Variants in USP32 observed in about 807,000 individuals in gnomAD.
USP32 encodes the protein ubiquitin carboxyl-terminal hydrolase 32.
Under a neutral mutation model 204.8 loss-of-function variants are expected in USP32, and 59 were observed. The observed-to-expected ratio is 0.29, with a 90% CI of 0.23 to 0.36. USP32 has a LOEUF of 0.36. Ranked by LOEUF, USP32 falls within the 10% of genes least tolerant of loss-of-function variation. The pLI is 1.00. For synonymous variants in USP32, 517 were observed against 678.4 expected, an observed-to-expected ratio of 0.76 and a Z score of 3.70; for missense variants, 1,160 against 1,946.4, an observed-to-expected ratio of 0.60 and a Z score of 7.60.
intron 13 of USP32, among the ~76,000 whole-genome samples, chr17:60,225,217 C>T (rs967363550): frequency 2.6e-5 from 4 of 152,140 alleles, no homozygotes; most frequent in African/African-American, 9.7e-5. Flanking sequence ...CTTTGAGAGG[C>T]TGAGGCCAGA....
intron 4 of USP32, among the ~76,000 whole-genome samples, chr17:60,289,978 C>T (rs1567830982): frequency 6.6e-6 from 1 of 152,040 alleles, no homozygotes; most frequent in Non-Finnish European, 1.5e-5. Flanking sequence ...GACTGCAATC[C>T]AAGCAATCAA....
intron 2 of USP32, among the ~76,000 whole-genome samples, chr17:60,327,154 G>A (rs78980193): frequency 0.01 from 1,529 of 152,300 alleles, 17 homozygotes; most frequent in Non-Finnish European, 0.017. Context: ...ACAAAGAAAT[G>A]ACAAATGTTT....
chr17:60,387,758 A>G (rs1048776913), intron 1 of USP32, among the ~76,000 whole-genome samples: 5 of 152,216 alleles, frequency 3.3e-5, no homozygotes, highest in Admixed American at 2.6e-4. Flanking sequence ...TTTACTGAAC[A>G]TAACTTAGCC....
chr17:60,300,209 C>T (rs1266472284), intron 3 of USP32, among the ~76,000 whole-genome samples: 1 of 152,184 alleles, frequency 6.6e-6, no homozygotes, highest in Non-Finnish European at 1.5e-5. Flanking sequence ...AGCTGCCATA[C>T]TTCCCCTGGG....
At chr17:60,229,964 C>T (rs910120077) in intron 12 of USP32, among the ~76,000 whole-genome samples, 1 of 152,128 alleles carries the variant, frequency 6.6e-6, no homozygotes, top group African/African-American at 2.4e-5. Context: ...CAGGCACGCA[C>T]CACTGCGCCT....
chr17:60,407,263 G>GT (rs1026438967), intron 1 of USP32, among the ~76,000 whole-genome samples: 1 of 152,158 alleles, frequency 6.6e-6, no homozygotes, highest in African/African-American at 2.4e-5. Flanking sequence ...AGGATCTTGA[G>GT]TTTTTTCTGA....
chr17:60,332,435 G>A (rs1312969667), intron 2 of USP32, among the ~76,000 whole-genome samples: 2 of 151,862 alleles, frequency 1.3e-5, no homozygotes, highest in African/African-American at 4.8e-5. Flanking sequence ...ATCACCTGAG[G>A]TCAGGAGTTT....
chr17:60,195,684 C>T (rs1464447868), intron 27 of USP32, among the ~76,000 whole-genome samples: 2 of 152,176 alleles, frequency 1.3e-5, no homozygotes, highest in African/African-American at 4.8e-5. Context: ...CTCTAAATGT[C>T]GGAATGCGTA....
intron 2 of USP32, among the ~76,000 whole-genome samples, chr17:60,340,279 C>A (rs1271717756): frequency 6.6e-6 from 1 of 152,164 alleles, no homozygotes. Context: ...ATTCAAGCTT[C>A]AAAATTACCA....
intron 2 of USP32, among the ~76,000 whole-genome samples, chr17:60,314,759 TAAAC>T (rs2087933551): frequency 6.6e-6 from 1 of 151,916 alleles, no homozygotes. Flanking sequence ...ATATGTAAGA[TAAAC>T]AAAACCAAAC....
At chr17:60,329,977 A>C (rs1009616554) in intron 2 of USP32, among the ~76,000 whole-genome samples, 1 of 152,240 alleles carries the variant, frequency 6.6e-6, no homozygotes, top group African/African-American at 2.4e-5. Context: ...TGCCCTTGCA[A>C]TTAGCTTCAC....
chr17:60,315,050 T>C (rs911018771), intron 2 of USP32, among the ~76,000 whole-genome samples: 1 of 152,164 alleles, frequency 6.6e-6, no homozygotes, highest in Admixed American at 6.5e-5. Context: ...ATTAGGGAAA[T>C]GCAAATCAAA....
intron 1 of USP32, among the ~76,000 whole-genome samples, chr17:60,412,913 C>A (rs968240139): frequency 2.6e-5 from 4 of 152,140 alleles, no homozygotes; most frequent in Non-Finnish European, 4.4e-5. Context: ...GACAAGATCA[C>A]AGACGCTTGC....
rs2084219132 is a variant in USP32, at chr17:60,185,139, C to G, written c.3834+321G>C. On this transcript the variant is annotated intron_variant, in intron 30 of 33. Coordinates refer to ENST00000300896, the MANE Select transcript of USP32 (RefSeq NM_032582.4). Reference sequence around the variant, plus strand: ...GGTTAGCCTAAGCTTCCTCTCTCCACAGAGCCAGAAGTTTAACCTCTCTTG... The same window carrying G: ...GGTTAGCCTAAGCTTCCTCTCTCCAGAGAGCCAGAAGTTTAACCTCTCTTG... 2.0e-5 allele frequency among the ~76,000 whole-genome samples: 3 copies of G among 152,228 alleles called. No individual in the cohort carries two copies. The South Asian group carries it at 6.2e-4, about 31-fold the overall frequency.
chr17:60,245,416 G>T, intron 11 of USP32: 1 of 390,592 alleles, frequency 2.6e-6, no homozygotes, highest in Non-Finnish European at 4.9e-6. Flanking sequence ...CTTGTTGCAC[G>T]TCAGCAGCAC....
intron 11 of USP32, among the ~76,000 whole-genome samples, chr17:60,245,868 A>T (rs912667466): frequency 2.0e-5 from 3 of 150,332 alleles, no homozygotes; most frequent in Non-Finnish European, 3.0e-5. Flanking sequence ...GTTTTTTTTT[A>T]AAAAGCTTTA....
In USP32 at chr17:60,373,833, T is replaced by C. The variant is rs192684268; in HGVS notation, c.58+18049A>G. 1.4e-3 allele frequency among the ~76,000 whole-genome samples: 207 copies of C among 152,324 alleles called. 2 individuals carry two copies. Among genetic ancestry groups the C allele is most frequent in the African/African-American group, 4.4e-3 (185 of 41,574 alleles). On this transcript the variant is annotated intron_variant, in intron 1 of 33. Coordinates refer to ENST00000300896, the MANE Select transcript of USP32 (RefSeq NM_032582.4). ...ATAACCCTTACCTTAAAACACATTG[T>C]ACAGTGTCCAAAAATATTTTTTCTT...
intron 2 of USP32, among the ~76,000 whole-genome samples, chr17:60,307,301 A>G (rs1276377415): frequency 6.6e-6 from 1 of 152,030 alleles, no homozygotes; most frequent in Non-Finnish European, 1.5e-5. Flanking sequence ...GGGTTTCACT[A>G]TGATGGCCAG....
chr17:60,315,348 C>T (rs1025908734), intron 2 of USP32, among the ~76,000 whole-genome samples: 1 of 151,858 alleles, frequency 6.6e-6, no homozygotes, highest in Admixed American at 6.6e-5. Flanking sequence ...TGCAGTGAGC[C>T]GAGATCACGC....
Sources: allele counts gnomAD v4.1 joint callset (sites outside exome capture counted in the v4.1 genomes callset), GRCh38; gene constraint gnomAD v4.1.1; transcripts MANE v1.5; gene names NCBI Gene and HGNC (gene_info 2026-07-23, HGNC 2026-07-21).